MIA2: variants seen among roughly 807,000 people sequenced by gnomAD.
MIA2 encodes the protein melanoma inhibitory activity protein 2.
A neutral mutation model predicts 167.8 loss-of-function variants in MIA2; 127 were observed. The ratio of observed to expected loss-of-function variants is 0.76; its 90% CI spans 0.66 to 0.88. The LOEUF (loss-of-function observed/expected upper bound fraction) is 0.88. Among genes scored for constraint, MIA2 ranks in the 40% least tolerant of loss-of-function variants. MIA2 has a pLI of 0.00. For missense variants in MIA2, 1,690 were observed against 1,624.7 expected, an observed-to-expected ratio of 1.04 and a Z score of -0.69; for synonymous variants, 552 against 541.9, an observed-to-expected ratio of 1.02 and a Z score of -0.26.
In MIA2 at chr14:39,267,502, C is replaced by T. The variant is rs2056084300; in HGVS notation, c.1888-9432C>T. On this transcript the variant is annotated intron_variant, in intron 6 of 28. Coordinates refer to ENST00000640607, the MANE Select transcript of MIA2 (RefSeq NM_001329214.4). The stretch of plus-strand genomic sequence containing the variant: ...TACCCCTCAACCGTATTTGGGGCTG[C>T]TCCTGGAGGAGCTACGCAGGGTGAG... 1.9e-6 allele frequency: 3 copies of T among 1,613,664 alleles called. No individual in the cohort carries two copies. In the East Asian group the frequency reaches 6.7e-5, roughly 36 times the overall value.
chr14:39,335,799 TATC>T (rs1418194194), intron 25 of MIA2, among the ~76,000 whole-genome samples: 8 of 152,194 alleles, frequency 5.3e-5, no homozygotes, highest in Non-Finnish European at 1.0e-4. Flanking sequence ...TGTCTCTTGT[TATC>T]ATCTTTATAT....
At chr14:39,341,559 C>G (rs1282161815) in intron 25 of MIA2, among the ~76,000 whole-genome samples, 1 of 152,006 alleles carries the variant, frequency 6.6e-6, no homozygotes, top group Non-Finnish European at 1.5e-5. Flanking sequence ...ACAGATGTAG[C>G]TGTTGGGTGG....
chr14:39,348,087 A>G (rs1170891370), intron 27 of MIA2, among the ~76,000 whole-genome samples: 1 of 152,156 alleles, frequency 6.6e-6, no homozygotes, highest in Non-Finnish European at 1.5e-5. Flanking sequence ...TGCTGGTATT[A>G]CAGGTGTGAG....
At chr14:39,296,605 C>G (rs201367224) in intron 13 of MIA2, among the ~76,000 whole-genome samples, 1 of 138,690 alleles carries the variant, frequency 7.2e-6, no homozygotes, top group Non-Finnish European at 1.5e-5. Flanking sequence ...CTTTTCTTTT[C>G]TTTTTTTTTT....
At chr14:39,284,514 G>T (rs10138191) in intron 9 of MIA2, among the ~76,000 whole-genome samples, 41,004 of 151,706 alleles carry the variant, frequency 0.27, 5,680 homozygotes, top group East Asian at 0.5. Flanking sequence ...TCTCAGAATT[G>T]CTTTGACTAT....
intron 17 of MIA2, among the ~76,000 whole-genome samples, chr14:39,305,135 A>G (rs912602431): frequency 6.6e-6 from 1 of 152,206 alleles, no homozygotes; most frequent in Non-Finnish European, 1.5e-5. Context: ...CTGCATTTAT[A>G]ATACTGTTTT....
chr14:39,269,073 AGTTTT>A (rs2056599985), intron 6 of MIA2: 40 of 362,150 alleles, frequency 1.1e-4, no homozygotes, highest in South Asian at 1.3e-4. Flanking sequence ...TCACCTGCAC[AGTTTT>A]TTTTTTTTTT....
At chr14:39,296,332 TC>T (rs1162133562) in intron 13 of MIA2, among the ~76,000 whole-genome samples, 6 of 152,272 alleles carry the variant, frequency 3.9e-5, no homozygotes, top group African/African-American at 1.4e-4. Flanking sequence ...ATTTTTTTTT[TC>T]CTCAAAATTT....
Position 39,314,730 on chromosome 14 carries a change from T to C in MIA2, c.3120-9T>C. ...TGTTAATAGTAGAATAATTATTCGT[T>C]CCATTTAGAAAGCGAGCCAAAGATC... is the stretch of plus-strand genomic sequence containing the variant. On this transcript the variant is annotated splice_polypyrimidine_tract_variant and intron_variant, in intron 19 of 28. Coordinates refer to ENST00000640607, the MANE Select transcript of MIA2 (RefSeq NM_001329214.4). The C allele has an allele frequency of 6.2e-7, 1 of 1,605,742 alleles. No individual in the cohort carries two copies. Among genetic ancestry groups the C allele is most frequent in the Non-Finnish European group, 8.5e-7 (1 of 1,174,862 alleles).
At chr14:39,319,067 T>G (rs1303371921) in intron 22 of MIA2, 142 bp from the exon 23 acceptor site, 1 of 441,898 alleles carries the variant, frequency 2.3e-6, no homozygotes, top group African/African-American at 2.0e-5. Context: ...AAAGGTGTTT[T>G]GGTCAGAATA....
intron 9 of MIA2, among the ~76,000 whole-genome samples, chr14:39,289,821 A>G (rs908290331): frequency 1.3e-5 from 2 of 152,170 alleles, no homozygotes; most frequent in Admixed American, 6.5e-5. Flanking sequence ...AGATAGCAGC[A>G]AGTTTGTTTC....
At chr14:39,267,131 C>G (rs940833029) in intron 6 of MIA2, 7 of 1,154,478 alleles carry the variant, frequency 6.1e-6, no homozygotes, top group Middle Eastern at 3.7e-4. Flanking sequence ...CCGCGCCTCC[C>G]CGCCTTCTCG....
intron 25 of MIA2, among the ~76,000 whole-genome samples, chr14:39,341,846 C>G (rs2071947987): frequency 6.6e-6 from 1 of 151,742 alleles, no homozygotes. Context: ...CTTAATTTAT[C>G]ATCAGATATT....
Position 39,320,899 on chromosome 14 carries a change from A to G in MIA2, c.3368-29A>G, listed in dbSNP as rs747510183. The stretch of plus-strand genomic sequence containing the variant: ...GTAGTGTAGCTAAGTGAAACTATGA[A>G]TTTAAATATGCTGTTTTAATTATTC... On this transcript the variant is annotated intron_variant, in intron 23 of 28. Coordinates refer to ENST00000640607, the MANE Select transcript of MIA2 (RefSeq NM_001329214.4). 3.7e-6 allele frequency: 6 copies of G among 1,604,336 alleles called. No homozygotes were observed. In the South Asian group the frequency reaches 5.6e-5, roughly 15 times the overall value.
At chr14:39,238,981 A>G (rs2053921570) in intron 2 of MIA2, among the ~76,000 whole-genome samples, 1 of 152,118 alleles carries the variant, frequency 6.6e-6, no homozygotes, top group Non-Finnish European at 1.5e-5. Context: ...ATTATGGTTT[A>G]TAATGAAAAG....
intron 24 of MIA2, among the ~76,000 whole-genome samples, chr14:39,322,311 C>T (rs746232534): frequency 2.5e-4 from 38 of 151,908 alleles, no homozygotes; most frequent in African/African-American, 8.9e-4. Flanking sequence ...GGGAGGCCGA[C>T]GGGGGCAGAT....
chr14:39,240,625 A>G lies in MIA2; in HGVS notation c.314A>G (p.Glu105Gly). The G allele has an allele frequency of 1.2e-6, 2 of 1,612,268 alleles. No individual in the cohort carries two copies. Among genetic ancestry groups the G allele is most frequent in the Non-Finnish European group, 1.7e-6 (2 of 1,178,694 alleles). ...CAGATTGAAGAGGTGTTCATATCTG[A>G]GGAAATTCAGATGTCAACGAAAGTG... is the stretch of plus-strand genomic sequence containing the variant. ...AVQIEEVFIS[E>G]EIQMSTKESD... The change falls in exon 3 of 29, where the codon GAG becomes GGG. Residue 105 changes from glutamate to glycine, a missense_variant. Transcript: ENST00000640607.
In MIA2 at chr14:39,294,057, T is replaced by G; in HGVS notation, c.2377T>G (p.Ser793Ala). ...AGAAGATGAGTCAAAATCCCTCAAATCACAAGTAGCTGAAGTAAGTTGAAT... is the reference window on the plus strand; with the variant it reads ...AGAAGATGAGTCAAAATCCCTCAAAGCACAAGTAGCTGAAGTAAGTTGAAT... ...SLEDESKSLKSQVAEAKMTFK... is the reference protein window; with the variant it reads ...SLEDESKSLKAQVAEAKMTFK... The change falls in exon 12 of 29, where the codon TCA becomes GCA. Residue 793 changes from serine (S) to alanine (A), a missense_variant. Coordinates refer to ENST00000640607, the MANE Select transcript of MIA2 (RefSeq NM_001329214.4). The G allele has an allele frequency of 6.2e-7, 1 of 1,610,534 alleles. No individual in the cohort carries two copies. The highest frequency in any genetic ancestry group is 8.5e-7 in the Non-Finnish European group (1 of 1,177,982).
chr14:39,328,211 A>G (rs1237053783), intron 25 of MIA2, among the ~76,000 whole-genome samples: 2 of 152,102 alleles, frequency 1.3e-5, no homozygotes, highest in Non-Finnish European at 2.9e-5. Flanking sequence ...GCATTTCTCT[A>G]ATGACCAGTG....
Sources: allele counts gnomAD v4.1 joint callset (sites outside exome capture counted in the v4.1 genomes callset), GRCh38; gene constraint gnomAD v4.1.1; transcripts MANE v1.5; gene names NCBI Gene and HGNC (gene_info 2026-07-23, HGNC 2026-07-21).